RALYL: variants seen among roughly 807,000 people sequenced by gnomAD.
The protein encoded by RALYL is RNA-binding Raly-like protein.
A neutral mutation model predicts 35.1 loss-of-function variants in RALYL; 29 were observed. The ratio of observed to expected loss-of-function variants is 0.83; its 90% CI spans 0.61 to 1.13. The LOEUF is 1.13. Among genes scored for constraint, RALYL ranks in the 50% most tolerant of loss-of-function variants. The pLI is 0.00. For synonymous variants in RALYL, 120 were observed against 127.6 expected, an observed-to-expected ratio of 0.94 and a Z score of 0.40; for missense variants, 359 against 360.4, an observed-to-expected ratio of 1.00 and a Z score of 0.03.
chr8:84,569,222 G>T (rs984901695), intron 2 of RALYL, among the ~76,000 whole-genome samples: 11 of 151,862 alleles, frequency 7.2e-5, no homozygotes, highest in Admixed American at 2.0e-4. Flanking sequence ...ATTAATTTTT[G>T]TATAAGGTGT....
intron 1 of RALYL, among the ~76,000 whole-genome samples, chr8:84,305,265 A>C (rs190046412): frequency 6.6e-6 from 1 of 152,256 alleles, no homozygotes; most frequent in Non-Finnish European, 1.5e-5. Flanking sequence ...AAAATTCTTA[A>C]CATAAAGTAA....
At position 84,757,425 on chromosome 8, in the gene RALYL, G is replaced by GA. The variant is rs1422478512; in HGVS notation, c.257-17148dup. Among the ~76,000 whole-genome samples the GA allele has an allele frequency of 3.3e-5, 5 of 152,216 alleles. No homozygotes were observed. The East Asian group carries it at 7.7e-4, about 23-fold the overall frequency. ...TACAGACATTCATTCAAATTCTTGG[G>GA]AAAAAACTGCCGATGTGCAGTTTGT... On this transcript the variant is annotated intron_variant, in intron 2 of 8. Coordinates refer to ENST00000521268, the MANE Select transcript of RALYL (RefSeq NM_173848.7).
chr8:84,489,419 G>T (rs890650435), intron 1 of RALYL, among the ~76,000 whole-genome samples: 1 of 151,970 alleles, frequency 6.6e-6, no homozygotes, highest in Admixed American at 6.6e-5. Flanking sequence ...TTTGAATACC[G>T]TATATGAAAT....
At chr8:84,464,025 T>C (rs972833009) in intron 1 of RALYL, among the ~76,000 whole-genome samples, 3 of 152,034 alleles carry the variant, frequency 2.0e-5, no homozygotes, top group Admixed American at 2.0e-4. Context: ...CTGATATTCT[T>C]CCATGCTGTT....
At chr8:84,259,736 C>A (rs1831873706) in intron 1 of RALYL, among the ~76,000 whole-genome samples, 1 of 152,064 alleles carries the variant, frequency 6.6e-6, no homozygotes, top group Non-Finnish European at 1.5e-5. Context: ...TTCATACTTA[C>A]TGATGATTCT....
chr8:84,754,722 C>A (rs986590216), intron 2 of RALYL, among the ~76,000 whole-genome samples: 7 of 152,088 alleles, frequency 4.6e-5, no homozygotes, highest in Non-Finnish European at 1.0e-4. Context: ...CATCCAATAC[C>A]TCCTCTTTTA....
chr8:84,306,753 G>T (rs529877772), intron 1 of RALYL, among the ~76,000 whole-genome samples: 95 of 152,150 alleles, frequency 6.2e-4, no homozygotes, highest in Non-Finnish European at 1.0e-3. Context: ...CAAAGATGAG[G>T]ATTAAAAACT....
At chr8:84,228,728 G>C (rs1382527749) in intron 1 of RALYL, among the ~76,000 whole-genome samples, 1 of 152,160 alleles carries the variant, frequency 6.6e-6, no homozygotes, top group Non-Finnish European at 1.5e-5. Context: ...TTAACTCACA[G>C]ATCTGCATGG....
chr8:84,307,465 A>T (rs1232813328), intron 1 of RALYL, among the ~76,000 whole-genome samples: 1 of 151,986 alleles, frequency 6.6e-6, no homozygotes, highest in Non-Finnish European at 1.5e-5. Context: ...ATATCTTGTC[A>T]CTCTTTATAG....
chr8:84,420,382 T>A (rs1383896314), intron 1 of RALYL, among the ~76,000 whole-genome samples: 2 of 152,190 alleles, frequency 1.3e-5, no homozygotes, highest in African/African-American at 4.8e-5. Flanking sequence ...CACCCACTTT[T>A]TGATGGCGTT....
intron 1 of RALYL, among the ~76,000 whole-genome samples, chr8:84,241,524 T>A (rs922191827): frequency 1.3e-5 from 2 of 152,088 alleles, no homozygotes; most frequent in African/African-American, 4.8e-5. Flanking sequence ...ATGCCTGTAA[T>A]CCCAGCACTT....
At chr8:84,502,881 T>C (rs1374410898) in intron 1 of RALYL, among the ~76,000 whole-genome samples, 1 of 151,038 alleles carries the variant, frequency 6.6e-6, no homozygotes, top group Admixed American at 6.6e-5. Context: ...AATTAATATA[T>C]TTATTTCTGC....
intron 3 of RALYL, among the ~76,000 whole-genome samples, chr8:84,797,765 G>A (rs1822288360): frequency 6.6e-6 from 1 of 152,188 alleles, no homozygotes; most frequent in African/African-American, 2.4e-5. Context: ...CTTTAGTGGA[G>A]AATGTTAACA....
intron 4 of RALYL, among the ~76,000 whole-genome samples, chr8:84,844,198 A>T (rs1834077755): frequency 1.3e-5 from 2 of 152,344 alleles, no homozygotes; most frequent in South Asian, 4.1e-4. Flanking sequence ...AGAATGGGAG[A>T]AAATTTTTGC....
chr8:84,918,835 G>A (rs914363819), intron 8 of RALYL, among the ~76,000 whole-genome samples: 8 of 151,920 alleles, frequency 5.3e-5, no homozygotes, highest in Non-Finnish European at 1.0e-4. Context: ...TTATTCAAAT[G>A]CTTTGAAGCT....
At chr8:84,390,484 T>C (rs978967493) in intron 1 of RALYL, among the ~76,000 whole-genome samples, 2 of 151,996 alleles carry the variant, frequency 1.3e-5, no homozygotes, top group African/African-American at 4.8e-5. Flanking sequence ...GACTCTTTTT[T>C]GTTGGTAAGG....
At chr8:84,474,473 A>G (rs1431135182) in intron 1 of RALYL, among the ~76,000 whole-genome samples, 3 of 152,216 alleles carry the variant, frequency 2.0e-5, no homozygotes, top group Non-Finnish European at 4.4e-5. Context: ...GTTATAAACT[A>G]TGGGGCAAGT....
intron 1 of RALYL, among the ~76,000 whole-genome samples, chr8:84,428,157 T>C (rs1407023865): frequency 2.0e-5 from 3 of 151,842 alleles, no homozygotes; most frequent in African/African-American, 7.3e-5. Flanking sequence ...GTTCAATATA[T>C]TTTAAGTTTA....
chr8:84,671,758 C>G (rs1833293359), intron 2 of RALYL, among the ~76,000 whole-genome samples: 1 of 152,210 alleles, frequency 6.6e-6, no homozygotes, highest in Non-Finnish European at 1.5e-5. Flanking sequence ...CCCACGAAAC[C>G]ATTTTTTCCT....
Sources: gnomAD v4.1 joint callset for allele counts (sites outside exome capture counted in the v4.1 genomes callset) on GRCh38, gnomAD v4.1.1 for gene constraint, MANE v1.5 for transcripts, NCBI Gene and HGNC (gene_info 2026-07-23, HGNC 2026-07-21) for gene names.